Variants in PPHLN1 observed in about 807,000 individuals in gnomAD.
The protein encoded by PPHLN1 is periphilin-1.
PPHLN1 carries 29 observed loss-of-function variants against 51.3 expected under a neutral mutation model. The ratio of observed to expected loss-of-function variants is 0.57; its 90% confidence interval spans 0.42 to 0.77. The LOEUF is 0.77. Ranked by LOEUF, PPHLN1 falls within the 30% of genes least tolerant of loss-of-function variation. The pLI, the probability that PPHLN1 is intolerant of heterozygous loss-of-function variation, is 0.00. For synonymous variants in PPHLN1, 147 were observed against 147.8 expected (o/e 0.99, Z 0.04); for missense variants, 436 against 438.4 (o/e 0.99, Z 0.05).
At chr12:42,417,080 G>C (rs2080456494) in intron 9 of PPHLN1, among the ~76,000 whole-genome samples, 1 of 152,190 alleles carries the variant, frequency 6.6e-6, no homozygotes, top group Non-Finnish European at 1.5e-5. Flanking sequence ...GAGAGCCTAA[G>C]TTAAATTGGT....
intron 1 of PPHLN1, among the ~76,000 whole-genome samples, chr12:42,331,203 A>G (rs370049410): frequency 2.0e-5 from 3 of 152,328 alleles, no homozygotes; most frequent in South Asian, 2.1e-4. Context: ...TTGGCTATCA[A>G]TAGTTGTTGA....
intron 1 of PPHLN1, among the ~76,000 whole-genome samples, chr12:42,329,167 T>C (rs1274243779): frequency 6.6e-6 from 1 of 151,378 alleles, no homozygotes; most frequent in African/African-American, 2.4e-5. Flanking sequence ...AGTGGCGCGA[T>C]CTTGGCTCAC....
chr12:42,431,299 G>A (rs2082016081), intron 9 of PPHLN1, among the ~76,000 whole-genome samples: 1 of 152,162 alleles, frequency 6.6e-6, no homozygotes, highest in Non-Finnish European at 1.5e-5. Flanking sequence ...AGAAGTGGTT[G>A]CATATTAAAA....
intron 9 of PPHLN1, among the ~76,000 whole-genome samples, chr12:42,411,401 A>G (rs1304492357): frequency 6.6e-6 from 1 of 152,032 alleles, no homozygotes; most frequent in Non-Finnish European, 1.5e-5. Context: ...CTGTCATTAC[A>G]GCAGTTACTA....
At chr12:42,414,500 A>T (rs2139581265) in intron 9 of PPHLN1, among the ~76,000 whole-genome samples, 2 of 152,114 alleles carry the variant, frequency 1.3e-5, no homozygotes, top group South Asian at 4.2e-4. Flanking sequence ...CTGGTTAAGG[A>T]TATTCCTAGG....
chr12:42,417,783 A>G (rs1316756254), intron 9 of PPHLN1, among the ~76,000 whole-genome samples: 1 of 152,012 alleles, frequency 6.6e-6, no homozygotes, highest in Non-Finnish European at 1.5e-5. Flanking sequence ...AAGTTCGACC[A>G]GTTCTGAGTA....
At chr12:42,329,189 C>G (rs548189208) in intron 1 of PPHLN1, among the ~76,000 whole-genome samples, 2 of 151,850 alleles carry the variant, frequency 1.3e-5, no homozygotes, top group Admixed American at 6.6e-5. Flanking sequence ...GCAAGCTCCC[C>G]CTCCCGGGTT....
At chr12:42,446,600 G>A (rs756176535), downstream of PPHLN1, 12 of 1,613,154 alleles carry the variant, frequency 7.4e-6, no homozygotes, top group Non-Finnish European at 1.0e-5. Flanking sequence ...AGGATGTAAA[G>A]CCAGAAAACA....
chr12:42,417,943 G>GTTTTTTTTTTT (rs371302578), intron 9 of PPHLN1, among the ~76,000 whole-genome samples: 16 of 88,390 alleles, frequency 1.8e-4, no homozygotes, highest in East Asian at 3.4e-4. Context: ...TTTTTTTTTT[G>GTTTTTTTTTTT]TTTTTTTTTT....
intron 2 of PPHLN1, among the ~76,000 whole-genome samples, chr12:42,346,107 A>G (rs1450169270): frequency 1.3e-5 from 2 of 152,160 alleles, no homozygotes; most frequent in Non-Finnish European, 2.9e-5. Flanking sequence ...TAAAATTTGT[A>G]TATTTCACAA....
intron 2 of PPHLN1, among the ~76,000 whole-genome samples, chr12:42,338,142 G>A (rs2070970414): frequency 6.6e-6 from 1 of 152,170 alleles, no homozygotes; most frequent in Non-Finnish European, 1.5e-5. Context: ...GGCCAGGCTG[G>A]TCTCGAACTC....
intron 9 of PPHLN1, among the ~76,000 whole-genome samples, chr12:42,438,096 A>G (rs2082638186): frequency 2.0e-5 from 3 of 152,200 alleles, no homozygotes; most frequent in Admixed American, 1.3e-4. Flanking sequence ...GGATGCTTCC[A>G]ATTTTTGGCA....
rs565969709 is a variant in PPHLN1, at chr12:42,381,063, G to A, written c.512-3877G>A. Among the ~76,000 whole-genome samples the A allele has an allele frequency of 2.0e-5, 3 of 152,284 alleles. No homozygotes were observed. In the South Asian group the frequency reaches 6.2e-4, roughly 32 times the overall value. On this transcript the variant is annotated intron_variant, in intron 5 of 9. Transcript: ENST00000358314. ...AAGGATGCTAGTGGAGAAGGTTTAT[G>A]GGGATGAGTTACATCATATGGAGTC...
At chr12:42,360,461 T>C (rs1362451152) in intron 4 of PPHLN1, among the ~76,000 whole-genome samples, 2 of 47,780 alleles carry the variant, frequency 4.2e-5, no homozygotes, top group South Asian at 8.6e-4. Context: ...CTGAATTCTT[T>C]TTTTTTTTTT....
intron 7 of PPHLN1, among the ~76,000 whole-genome samples, chr12:42,391,637 AC>A (rs2077723956): frequency 6.6e-6 from 1 of 152,100 alleles, no homozygotes; most frequent in Admixed American, 6.6e-5. Context: ...GGAAAAAAAA[AC>A]AACTTTCTTG....
chr12:42,425,294 A>G (rs1445379902), intron 9 of PPHLN1, among the ~76,000 whole-genome samples: 3 of 135,634 alleles, frequency 2.2e-5, no homozygotes, highest in Admixed American at 8.4e-5. Context: ...GGGTTTCACC[A>G]TGGCCAGGCT....
chr12:42,427,489 C>T (rs932964551), intron 9 of PPHLN1, among the ~76,000 whole-genome samples: 4 of 152,036 alleles, frequency 2.6e-5, no homozygotes, highest in Non-Finnish European at 5.9e-5. Flanking sequence ...AACTGATCTT[C>T]GACAAAGCAA....
intron 9 of PPHLN1, among the ~76,000 whole-genome samples, chr12:42,438,195 G>T (rs2082643785): frequency 6.6e-6 from 1 of 152,186 alleles, no homozygotes; most frequent in African/African-American, 2.4e-5. Context: ...TTAGCAGTGG[G>T]ATTGCTGGAT....
intron 9 of PPHLN1, among the ~76,000 whole-genome samples, chr12:42,401,304 TAATAA>T (rs1213622183): frequency 6.6e-6 from 1 of 152,202 alleles, no homozygotes; most frequent in Admixed American, 6.5e-5. Context: ...ATTTGGTAGA[TAATAA>T]ATGAGAAAAG....
Sources: gnomAD v4.1 joint callset for allele counts (sites outside exome capture counted in the v4.1 genomes callset) on GRCh38, gnomAD v4.1.1 for gene constraint, MANE v1.5 for transcripts, NCBI Gene and HGNC (gene_info 2026-07-23, HGNC 2026-07-21) for gene names.